The following HBS1L variants were observed in gnomAD, a reference collection of about 807,000 sequenced individuals.
HBS1L encodes the protein HBS1 like translational GTPase, also known as HBS1-like protein.
In HBS1L, 55 loss-of-function variants were observed where a neutral mutation model predicts 88.9. The observed-to-expected ratio is 0.62, with a 90% CI of 0.50 to 0.77. The LOEUF (loss-of-function observed/expected upper bound fraction) is 0.77, where lower values mean the gene tolerates loss of function less well. Among genes scored for constraint, HBS1L ranks in the 30% least tolerant of loss-of-function variants. The pLI, the probability that HBS1L is intolerant of heterozygous loss-of-function variation, is 0.00. For synonymous variants in HBS1L, 267 were observed against 288.5 expected (o/e 0.93, Z 0.76); for missense variants, 741 against 829.3 (o/e 0.89, Z 1.31).
rs1055422914 is a variant in HBS1L at position 134,963,594 on chromosome 6, A to T, written c.*1685T>A. Reference sequence around the variant, plus strand: ...CCACACCCAGCTGATCTGTTTTTAAATTTTTTCTGTAGAGACATGGTCTCA... The same window carrying T: ...CCACACCCAGCTGATCTGTTTTTAATTTTTTTCTGTAGAGACATGGTCTCA... On this transcript the variant is annotated 3_prime_UTR_variant, in exon 18 of 18. Coordinates refer to ENST00000367837, the MANE Select transcript of HBS1L (RefSeq NM_006620.4). 2 of 151,760 alleles carry T rather than the reference A, an allele frequency of 1.3e-5. No homozygotes were observed. The highest frequency in any genetic ancestry group is 4.2e-4 in the South Asian group (2 of 4,794). The allele number at this position is 151,760 out of a possible 1,614,324, so 9.4% of individuals were successfully genotyped here.
In HBS1L at chr6:135,017,992, C is replaced by CA. The variant is rs35746876; in HGVS notation, c.431-15151dup. Among the ~76,000 whole-genome samples, 508 of 146,984 alleles carry CA rather than the reference C, an allele frequency of 3.5e-3. 3 individuals are homozygous for CA. The highest frequency in any genetic ancestry group is 7.5e-3 in the East Asian group (38 of 5,044). ...GCTTATTTAAAAACAAACAAACAAA[C>CA]AAAAAAAAAAAACAGGGGTTTTCCA... On this transcript the variant is annotated intron_variant, in intron 4 of 17. Coordinates refer to ENST00000367837, the MANE Select transcript of HBS1L (RefSeq NM_006620.4).
chr6:135,039,521 C>A (rs1478812169), intron 4 of HBS1L, 52 bp downstream of exon 4: 40 of 1,429,316 alleles, frequency 2.8e-5, no homozygotes, highest in Non-Finnish European at 3.8e-5. Context: ...GAAAGCCTCT[C>A]TTTAGGCATT....
intron 16 of HBS1L, among the ~76,000 whole-genome samples, chr6:134,967,620 T>C (rs73549220): frequency 3.2e-4 from 48 of 152,308 alleles, no homozygotes; most frequent in African/African-American, 1.1e-3. Flanking sequence ...TAGGATTTTG[T>C]AGCAGGAGCA....
chr6:135,036,094 A>C, intron 4 of HBS1L: 1 of 665,360 alleles, frequency 1.5e-6, no homozygotes, highest in Non-Finnish European at 1.9e-6. Context: ...AAAATAATGA[A>C]ACTAGGAATT....
chr6:134,996,992 A>C (rs1421614468), intron 6 of HBS1L, 50 bp from the exon 7 acceptor site: 8 of 1,327,376 alleles, frequency 6.0e-6, no homozygotes, highest in Non-Finnish European at 7.2e-6. Flanking sequence ...CCAGATGTTC[A>C]CATTGAGGCA....
At chr6:134,969,457 T>C in intron 15 of HBS1L, 119 bp from the exon 16 acceptor site, 2 of 664,328 alleles carry the variant, frequency 3.0e-6, no homozygotes, top group Non-Finnish European at 2.7e-6. Context: ...TTTCAGGATC[T>C]CCAGTTGCTT....
intron 8 of HBS1L, among the ~76,000 whole-genome samples, chr6:134,991,766 T>C (rs1583082066): frequency 6.6e-6 from 1 of 152,248 alleles, no homozygotes; most frequent in East Asian, 1.9e-4. Flanking sequence ...TTAACAAATG[T>C]TCATGTTAAA....
At position 134,992,251 on chromosome 6, in the gene HBS1L, C is replaced by T. The variant is rs142744772; in HGVS notation, c.1083+1507G>A. Among the ~76,000 whole-genome samples, 767 of 152,134 alleles carry T rather than the reference C, an allele frequency of 5.0e-3. 4 individuals are homozygous for T. The highest frequency in any genetic ancestry group is 0.017 in the African/African-American group (720 of 41,496). On this transcript the variant is annotated intron_variant, in intron 8 of 17. Coordinates refer to ENST00000367837, the MANE Select transcript of HBS1L (RefSeq NM_006620.4). ...TCATTGCTTTAATAATTTAAAGTTA[C>T]GGTGATGCACAGCATAATGACGTTT... is the stretch of plus-strand genomic sequence containing the variant.
intron 12 of HBS1L, 138 bp downstream of exon 12, chr6:134,985,203 G>T: frequency 2.0e-6 from 1 of 497,820 alleles, no homozygotes; most frequent in Non-Finnish European, 3.7e-6. Context: ...AGATTAATCT[G>T]ACAGTGATCC....
At chr6:134,968,954 C>T (rs1238451918) in intron 16 of HBS1L, among the ~76,000 whole-genome samples, 5 of 152,070 alleles carry the variant, frequency 3.3e-5, no homozygotes, top group Non-Finnish European at 5.9e-5. Flanking sequence ...GTATCTATGG[C>T]TTGAAATGTA....
In HBS1L at chr6:134,987,698, C is replaced by T. The variant is rs765603673; in HGVS notation, c.1177G>A (p.Val393Ile). The T allele has an allele frequency of 5.0e-6, 8 of 1,610,126 alleles. No homozygotes were observed. The highest frequency in any genetic ancestry group is 5.9e-6 in the Non-Finnish European group (7 of 1,178,140). Residue 393 changes from valine to isoleucine, a missense_variant, in exon 9 of 18, where the codon GTC (valine) becomes ATC (isoleucine). By Grantham distance (29) the Val-to-Ile change is conservative. Coordinates refer to ENST00000367837, the MANE Select transcript of HBS1L (RefSeq NM_006620.4). ...GGQTREHGLL[V>I]RSLGVTQLAV... ...AGCTGCGTCACTCCCAGAGAACGGA[C>T]CAAGAGTCCATGCTCTCGTGTTTGT...
intron 4 of HBS1L, chr6:135,027,084 C>T (rs1357251707): frequency 2.1e-5 from 3 of 144,704 alleles, no homozygotes; most frequent in Admixed American, 7.2e-5. Context: ...CCCAGATATT[C>T]GGGAGACTGA....
chr6:134,984,639 C>T (rs1315517270), intron 12 of HBS1L, among the ~76,000 whole-genome samples: 1 of 152,014 alleles, frequency 6.6e-6, no homozygotes, highest in Admixed American at 6.6e-5. Context: ...ATCTTATATC[C>T]TTTTATTTAT....
At chr6:135,025,467 T>C (rs1776200592) in intron 4 of HBS1L, among the ~76,000 whole-genome samples, 1 of 149,802 alleles carries the variant, frequency 6.7e-6, no homozygotes, top group African/African-American at 2.5e-5. Context: ...CTGAAGAGAA[T>C]TTCACTTAGC....
chr6:135,010,879 T>C (rs1354353671), intron 4 of HBS1L, among the ~76,000 whole-genome samples: 1 of 152,180 alleles, frequency 6.6e-6, no homozygotes, highest in Admixed American at 6.5e-5. Context: ...ATAGGGCATC[T>C]GCAAATAATC....
chr6:134,985,386 A>G lies in HBS1L; in HGVS notation c.1447T>C (p.Ser483Pro). ...QIDSFKPPQR[S>P]IDKPFRLCVS... ...CATAATCTAAAAGGTTTGTCAATAG[A>G]TCGCTGGGGAGGCTTAAAGGAATCT... The change falls in exon 12 of 18, where the codon TCT becomes CCT. Residue 483 changes from serine to proline, a missense_variant. By Grantham distance (74) the Ser-to-Pro change is moderately conservative. Around this residue, in one of 3 missense-constraint regions of HBS1L, gnomAD observed 556 missense variants for 598.4 expected, o/e 0.93. Coordinates refer to ENST00000367837, the MANE Select transcript of HBS1L (RefSeq NM_006620.4). The G allele has an allele frequency of 6.2e-7, 1 of 1,605,422 alleles. No homozygotes were observed. Among genetic ancestry groups the G allele is most frequent in the Non-Finnish European group, 8.5e-7 (1 of 1,176,294 alleles).
At chr6:134,967,273 C>T (rs1774343454) in intron 16 of HBS1L, among the ~76,000 whole-genome samples, 1 of 152,124 alleles carries the variant, frequency 6.6e-6, no homozygotes, top group Non-Finnish European at 1.5e-5. Flanking sequence ...GGACAGAAAT[C>T]ATAAACTCTC....
At chr6:135,037,943 T>C (rs1776611026) in intron 4 of HBS1L, 3 of 1,547,506 alleles carry the variant, frequency 1.9e-6, no homozygotes, top group Non-Finnish European at 2.6e-6. Flanking sequence ...AAGGGTTTGC[T>C]ACTATAATCC....
intron 4 of HBS1L, among the ~76,000 whole-genome samples, chr6:135,032,951 A>AAAAGG: frequency 6.6e-6 from 1 of 152,312 alleles, no homozygotes. Context: ...GAAAAGTTTT[A>AAAAGG]AAAAGTGCTC....
Sources: allele counts gnomAD v4.1 joint callset (sites outside exome capture counted in the v4.1 genomes callset), GRCh38; gene constraint gnomAD v4.1.1; regional missense constraint gnomAD v4.1.1; transcripts MANE v1.5; gene names NCBI Gene and HGNC (gene_info 2026-07-23, HGNC 2026-07-21).